The following ASPH variants were observed in gnomAD, a reference collection of about 807,000 sequenced individuals.
ASPH encodes the protein aspartate beta-hydroxylase.
Under a neutral mutation model 118.4 loss-of-function variants are expected in ASPH, and 100 were observed. That is an observed-to-expected ratio of 0.84 (90% CI 0.72 to 1.00). ASPH has a LOEUF of 1.00. Ranked by LOEUF, ASPH falls within the 50% of genes least tolerant of loss-of-function variation. ASPH has a pLI of 0.00. For missense variants in ASPH, 920 were observed against 919.5 expected (o/e 1.00, Z -0.01); for synonymous variants, 315 against 325.6 (o/e 0.97, Z 0.35).
At chr8:61,585,321 C>G (rs773184096) in intron 14 of ASPH, among the ~76,000 whole-genome samples, 10 of 152,202 alleles carry the variant, frequency 6.6e-5, no homozygotes, top group Non-Finnish European at 1.2e-4. Flanking sequence ...AGAGTGGAAG[C>G]TTGAAGGGTA....
At chr8:61,527,513 AAG>A (rs1486858884) in intron 21 of ASPH, among the ~76,000 whole-genome samples, 2 of 152,250 alleles carry the variant, frequency 1.3e-5, no homozygotes, top group Non-Finnish European at 2.9e-5. Context: ...TAGGGCAAGA[AAG>A]AGATTTTGGT....
intron 1 of ASPH, among the ~76,000 whole-genome samples, chr8:61,708,264 T>G (rs1299259506): frequency 6.6e-6 from 1 of 152,220 alleles, no homozygotes; most frequent in Non-Finnish European, 1.5e-5. Flanking sequence ...ACTAGCTCTC[T>G]GCCAAAAAGC....
chr8:61,640,572 T>C (rs1804662392), intron 10 of ASPH, among the ~76,000 whole-genome samples: 1 of 152,222 alleles, frequency 6.6e-6, no homozygotes, highest in Non-Finnish European at 1.5e-5. Flanking sequence ...CTTGATTACA[T>C]ATTCTTGTTA....
At position 61,638,290 on chromosome 8, in the gene ASPH, G is replaced by A. The variant is rs1441392332; in HGVS notation, c.832+32C>T. 3.8e-6 allele frequency: 6 copies of A among 1,594,354 alleles called. No homozygotes were observed. In the East Asian group the frequency reaches 9.0e-5, roughly 24 times the overall value. ...AACAAAATACAGGGAAAGCTGACTT[G>A]CAGAAAATATGTGCTTACAGAAAAA... is the stretch of plus-strand genomic sequence containing the variant. On this transcript the variant is annotated intron_variant, in intron 11 of 24. Transcript: ENST00000379454.
chr8:61,631,325 A>C (rs1855495064), intron 13 of ASPH, among the ~76,000 whole-genome samples: 1 of 152,220 alleles, frequency 6.6e-6, no homozygotes, highest in Non-Finnish European at 1.5e-5. Flanking sequence ...TGATTCACTC[A>C]GAGCAAATTC....
chr8:61,705,773 C>A (rs1394209456), intron 1 of ASPH, among the ~76,000 whole-genome samples: 2 of 151,612 alleles, frequency 1.3e-5, no homozygotes, highest in African/African-American at 4.8e-5. Flanking sequence ...AATTTTACCT[C>A]AGAGGGAAAA....
At chr8:61,542,322 C>T (rs2130590835) in intron 21 of ASPH, among the ~76,000 whole-genome samples, 1 of 152,228 alleles carries the variant, frequency 6.6e-6, no homozygotes, top group Non-Finnish European at 1.5e-5. Flanking sequence ...CCTTCCTTTA[C>T]AACAGATAGA....
intron 1 of ASPH, among the ~76,000 whole-genome samples, chr8:61,685,748 CA>C (rs766474378): frequency 3.3e-5 from 5 of 151,546 alleles, no homozygotes; most frequent in Non-Finnish European, 7.4e-5. Context: ...TATGTACACT[CA>C]AACATATACA....
intron 16 of ASPH, among the ~76,000 whole-genome samples, chr8:61,573,359 C>A (rs887573406): frequency 2.0e-5 from 3 of 152,066 alleles, no homozygotes; most frequent in Admixed American, 1.3e-4. Context: ...TTAGAAAAAA[C>A]CTACTTTAAA....
At chr8:61,634,208 G>T (rs937996321) in intron 12 of ASPH, among the ~76,000 whole-genome samples, 4 of 151,924 alleles carry the variant, frequency 2.6e-5, no homozygotes, top group African/African-American at 9.7e-5. Context: ...TTTTTCCTTG[G>T]TTGCTTCAAC....
chr8:61,616,918 C>T (rs1391520157), intron 14 of ASPH, among the ~76,000 whole-genome samples: 1 of 152,214 alleles, frequency 6.6e-6, no homozygotes, highest in Non-Finnish European at 1.5e-5. Flanking sequence ...CCTGCAACCA[C>T]TTGTCTAGAA....
chr8:61,579,708 C>T lies in ASPH; in HGVS notation c.1063-2850G>A, dbSNP rs576215321. On this transcript the variant is annotated intron_variant, in intron 15 of 24. Coordinates refer to ENST00000379454, the MANE Select transcript of ASPH (RefSeq NM_004318.4). ...AGCCCCTCCCAGCCTACCCCTCCTGCGCTGCCCCAGAGCCTGAGAAGGAGG... is the reference window on the plus strand; with the variant it reads ...AGCCCCTCCCAGCCTACCCCTCCTGTGCTGCCCCAGAGCCTGAGAAGGAGG... 2,271 of 1,112,186 alleles carry T rather than the reference C, an allele frequency of 2.0e-3. 6 individuals are homozygous for T. Among genetic ancestry groups the T allele is most frequent in the Non-Finnish European group, 2.6e-3 (1,922 of 736,386 alleles). The allele number at this position is 1,112,186 out of a possible 1,614,324, so 68.9% of individuals were successfully genotyped here.
intron 2 of ASPH, among the ~76,000 whole-genome samples, chr8:61,681,644 T>A (rs1828117344): frequency 6.6e-6 from 1 of 151,790 alleles, no homozygotes. Flanking sequence ...AACTGGAGGC[T>A]TCGGAAATTA....
rs1051665677 is a variant in ASPH at position 61,631,412 on chromosome 8, C to T, written c.934+2271G>A. On this transcript the variant is annotated intron_variant, in intron 13 of 24. Transcript: ENST00000379454. ...TTTAATTTTCTATACCATATTTTTACCATACTTTGTCTACGTTTAGGTATG... is the reference window on the plus strand; with the variant it reads ...TTTAATTTTCTATACCATATTTTTATCATACTTTGTCTACGTTTAGGTATG... 4.1e-4 allele frequency among the ~76,000 whole-genome samples: 63 copies of T among 152,268 alleles called. 2 individuals carry two copies. Among genetic ancestry groups the T allele is most frequent in the African/African-American group, 1.3e-3 (52 of 41,554 alleles).
intron 13 of ASPH, among the ~76,000 whole-genome samples, chr8:61,621,676 T>C (rs751670181): frequency 2.6e-5 from 4 of 152,228 alleles, no homozygotes; most frequent in Non-Finnish European, 5.9e-5. Flanking sequence ...AACTGAGGCA[T>C]AGAGAGGCTA....
chr8:61,579,457 C>A, intron 15 of ASPH: 2 of 1,607,846 alleles, frequency 1.2e-6, no homozygotes, highest in Non-Finnish European at 8.5e-7. Context: ...AGTATTCATA[C>A]GAAGACCACC....
chr8:61,626,963 T>C (rs1466297645), intron 13 of ASPH, among the ~76,000 whole-genome samples: 3 of 152,090 alleles, frequency 2.0e-5, no homozygotes, highest in Non-Finnish European at 4.4e-5. Flanking sequence ...AAAATCTTGA[T>C]ATAATTTTTA....
chr8:61,504,124 G>C (rs1028641636), intron 24 of ASPH, among the ~76,000 whole-genome samples: 1 of 152,140 alleles, frequency 6.6e-6, no homozygotes, highest in Non-Finnish European at 1.5e-5. Flanking sequence ...ACACCCTATA[G>C]AGCTTCCAAC....
intron 12 of ASPH, among the ~76,000 whole-genome samples, chr8:61,637,030 C>A (rs1275619514): frequency 6.6e-6 from 1 of 152,166 alleles, no homozygotes; most frequent in East Asian, 1.9e-4. Flanking sequence ...TTTCAGTCAA[C>A]TGCACCATTC....
Sources: allele counts gnomAD v4.1 joint callset (sites outside exome capture counted in the v4.1 genomes callset), GRCh38; gene constraint gnomAD v4.1.1; transcripts MANE v1.5; gene names NCBI Gene and HGNC (gene_info 2026-07-23, HGNC 2026-07-21).